The following SYNDIG1 variants were observed in gnomAD, a reference collection of about 807,000 sequenced individuals.
SYNDIG1 encodes the protein synapse differentiation-inducing gene protein 1.
SYNDIG1 carries 9 observed loss-of-function variants against 19.4 expected under a neutral mutation model. That is an observed-to-expected ratio of 0.46 (90% confidence interval 0.28 to 0.81). The LOEUF is 0.81. SYNDIG1 is among the 30% of genes least tolerant of loss of function. The pLI is 0.12. For missense variants in SYNDIG1, 311 were observed against 343.3 expected (o/e 0.91, Z 0.74); for synonymous variants, 141 against 145.9 (o/e 0.97, Z 0.24).
intron 1 of SYNDIG1, among the ~76,000 whole-genome samples, chr20:24,539,450 T>A (rs2057424457): frequency 6.6e-6 from 1 of 152,220 alleles, no homozygotes; most frequent in Non-Finnish European, 1.5e-5. Context: ...ATTCACTTGG[T>A]CTATATGTGT....
intron 3 of SYNDIG1, among the ~76,000 whole-genome samples, chr20:24,585,835 C>T (rs949355528): frequency 6.6e-6 from 1 of 152,184 alleles, no homozygotes; most frequent in Admixed American, 6.5e-5. Context: ...GGTGGTGCTG[C>T]GCACCCATGG....
intron 2 of SYNDIG1, among the ~76,000 whole-genome samples, chr20:24,575,422 A>C (rs1325451640): frequency 6.6e-6 from 1 of 152,282 alleles, no homozygotes; most frequent in African/African-American, 2.4e-5. Context: ...TTCTTCAGAT[A>C]TTTGCAAGCA....
At chr20:24,653,133 A>C (rs1474027757) in intron 3 of SYNDIG1, among the ~76,000 whole-genome samples, 2 of 152,220 alleles carry the variant, frequency 1.3e-5, no homozygotes, top group Non-Finnish European at 2.9e-5. Context: ...TCTTTATTTA[A>C]GTTATGGTAA....
chr20:24,642,362 A>G (rs1052647414), intron 3 of SYNDIG1, among the ~76,000 whole-genome samples: 9 of 151,936 alleles, frequency 5.9e-5, no homozygotes, highest in Non-Finnish European at 1.2e-4. Context: ...CTGGAGAGAG[A>G]GGGATTGTCA....
chr20:24,626,131 C>T (rs1206331737), intron 3 of SYNDIG1, among the ~76,000 whole-genome samples: 5 of 114,404 alleles, frequency 4.4e-5, no homozygotes, highest in African/African-American at 9.2e-5. Flanking sequence ...CAGAGGTGCC[C>T]CTCACCTCCC....
intron 2 of SYNDIG1, among the ~76,000 whole-genome samples, chr20:24,567,744 T>C (rs940550764): frequency 6.6e-5 from 10 of 152,164 alleles, no homozygotes; most frequent in South Asian, 6.2e-4. Flanking sequence ...CCTTCCAGGA[T>C]GGGAGGGAGG....
intron 3 of SYNDIG1, among the ~76,000 whole-genome samples, chr20:24,656,773 A>G (rs2059529686): frequency 6.6e-6 from 1 of 152,244 alleles, no homozygotes; most frequent in Non-Finnish European, 1.5e-5. Flanking sequence ...CTAAGCCTGA[A>G]TCTGTGAGAA....
chr20:24,567,517 C>T (rs2058069082), intron 2 of SYNDIG1, among the ~76,000 whole-genome samples: 1 of 152,244 alleles, frequency 6.6e-6, no homozygotes, highest in African/African-American at 2.4e-5. Flanking sequence ...ACTCTGGGGC[C>T]CTCTTGAAAA....
At chr20:24,554,515 G>GC (rs2057771205) in intron 2 of SYNDIG1, among the ~76,000 whole-genome samples, 1 of 152,128 alleles carries the variant, frequency 6.6e-6, no homozygotes, top group Admixed American at 6.5e-5. Flanking sequence ...TTAGCATGAA[G>GC]GTTGTTGAAT....
intron 1 of SYNDIG1, among the ~76,000 whole-genome samples, chr20:24,530,450 T>G (rs2042964680): frequency 6.6e-6 from 1 of 152,204 alleles, no homozygotes; most frequent in African/African-American, 2.4e-5. Context: ...TGGTCCCAAA[T>G]GTTTCATTAA....
chr20:24,640,871 C>T (rs950917739), intron 3 of SYNDIG1, among the ~76,000 whole-genome samples: 2 of 152,168 alleles, frequency 1.3e-5, no homozygotes, highest in Admixed American at 6.5e-5. Context: ...AGGGAGATGG[C>T]GCACATGGAG....
chr20:24,616,139 T>C (rs2058929187), intron 3 of SYNDIG1, among the ~76,000 whole-genome samples: 1 of 152,230 alleles, frequency 6.6e-6, no homozygotes. Flanking sequence ...TTTAGTGTCT[T>C]AAAGTAGCCC....
chr20:24,618,039 G>A (rs1303106124), intron 3 of SYNDIG1, among the ~76,000 whole-genome samples: 29 of 145,896 alleles, frequency 2.0e-4, no homozygotes, highest in Middle Eastern at 3.8e-3. Flanking sequence ...GGGGAGTGGG[G>A]AGAGCCCGGG....
chr20:24,570,055 C>T (rs1428375292), intron 2 of SYNDIG1, among the ~76,000 whole-genome samples: 1 of 152,164 alleles, frequency 6.6e-6, no homozygotes, highest in Non-Finnish European at 1.5e-5. Context: ...ATACCAATTT[C>T]AGTATTGTAT....
At position 24,652,648 on chromosome 20, in the gene SYNDIG1, G is replaced by A. The variant is rs577710672; in HGVS notation, c.619-12698G>A. ...AGCAGATGACACCAGTGCTGCACCC[G>A]TATTCCCTTGGCACTCATGGCTCTA... On this transcript the variant is annotated intron_variant, in intron 3 of 3. Transcript: ENST00000376862. Among the ~76,000 whole-genome samples, 11 of 152,334 alleles carry A rather than the reference G, an allele frequency of 7.2e-5. No homozygotes were observed. The East Asian group carries it at 7.7e-4, about 11-fold the overall frequency.
intron 1 of SYNDIG1, among the ~76,000 whole-genome samples, chr20:24,509,202 G>A (rs2056680684): frequency 1.3e-5 from 2 of 152,148 alleles, no homozygotes; most frequent in African/African-American, 2.4e-5. Flanking sequence ...ACACATGTGT[G>A]TATGTATGTA....
intron 3 of SYNDIG1, among the ~76,000 whole-genome samples, chr20:24,597,637 C>A (rs1036976177): frequency 6.6e-6 from 1 of 152,118 alleles, no homozygotes; most frequent in African/African-American, 2.4e-5. Flanking sequence ...CTCAACTGGG[C>A]TCCCTAGAAC....
intron 3 of SYNDIG1, among the ~76,000 whole-genome samples, chr20:24,625,964 C>G (rs1242108509): frequency 6.6e-6 from 1 of 151,602 alleles, no homozygotes; most frequent in East Asian, 2.0e-4. Flanking sequence ...CCCTCACCTC[C>G]CGGATGGGGC....
At chr20:24,659,014 C>T (rs909414521) in intron 3 of SYNDIG1, among the ~76,000 whole-genome samples, 2 of 152,074 alleles carry the variant, frequency 1.3e-5, no homozygotes, top group Admixed American at 6.5e-5. Flanking sequence ...AGCTGCTGCC[C>T]GGTCTCCAAC....
Sources: allele counts gnomAD v4.1 joint callset (sites outside exome capture counted in the v4.1 genomes callset), GRCh38; gene constraint gnomAD v4.1.1; transcripts MANE v1.5; gene names NCBI Gene and HGNC (gene_info 2026-07-23, HGNC 2026-07-21).